NXPH2: variants seen among roughly 807,000 people sequenced by gnomAD.
The protein encoded by NXPH2 is neurexophilin-2.
A neutral mutation model predicts 19.8 loss-of-function variants in NXPH2; 5 were observed. The observed-to-expected ratio is 0.25, with a 90% CI of 0.13 to 0.53. NXPH2 has a LOEUF of 0.53. Ranked by LOEUF, NXPH2 falls within the 20% of genes least tolerant of loss-of-function variation. The probability of loss-of-function intolerance (pLI) is 0.96; values close to 1 mark genes in which losing one functional copy is unlikely to be tolerated. For synonymous variants in NXPH2, 154 were observed against 127.4 expected, an observed-to-expected ratio of 1.21 and a Z score of -1.41; for missense variants, 289 against 322.8, an observed-to-expected ratio of 0.90 and a Z score of 0.80.
intron 1 of NXPH2, among the ~76,000 whole-genome samples, chr2:138,720,885 C>G (rs1227483113): frequency 6.6e-6 from 1 of 152,072 alleles, no homozygotes; most frequent in Non-Finnish European, 1.5e-5. Context: ...TGGAGTCTCT[C>G]AAGAGATGCT....
In NXPH2 at chr2:138,671,428, T is replaced by C. The variant is rs1680412007; in HGVS notation, c.289A>G (p.Thr97Ala). The C allele has an allele frequency of 2.5e-6, 4 of 1,613,928 alleles. No individual in the cohort carries two copies. Among genetic ancestry groups the C allele is most frequent in the Admixed American group, 1.7e-5 (1 of 60,016 alleles). ...GTTTTTACTATTGGCCTCCGTTTAG[T>C]TCTTGCCAATGGCTCCTGAATCTCC... ...ITEIQEPLAR[T>A]KRRPIVKTGK... is the part of the protein sequence containing the mutation. Residue 97 changes from threonine (T) to alanine (A), a missense_variant, in exon 2 of 2, where the codon ACT becomes GCT. Thr to Ala is a moderately conservative substitution (Grantham distance 58). Coordinates refer to ENST00000272641, the MANE Select transcript of NXPH2 (RefSeq NM_007226.3).
At chr2:138,762,189 T>C (rs1182061687) in intron 1 of NXPH2, among the ~76,000 whole-genome samples, 1 of 152,178 alleles carries the variant, frequency 6.6e-6, no homozygotes, top group Non-Finnish European at 1.5e-5. Context: ...AAATACACTT[T>C]ATTACATTAT....
At chr2:138,720,281 T>C (rs1343918334) in intron 1 of NXPH2, among the ~76,000 whole-genome samples, 1 of 152,228 alleles carries the variant, frequency 6.6e-6, no homozygotes, top group Non-Finnish European at 1.5e-5. Flanking sequence ...TCTTCTTACA[T>C]ACAATCCTCA....
At chr2:138,684,059 T>C (rs1680613794) in intron 1 of NXPH2, among the ~76,000 whole-genome samples, 1 of 152,226 alleles carries the variant, frequency 6.6e-6, no homozygotes, top group Non-Finnish European at 1.5e-5. Context: ...GTGTTAAAAG[T>C]ATTTTTGCAA....
At chr2:138,755,194 A>G (rs1031611277) in intron 1 of NXPH2, among the ~76,000 whole-genome samples, 14 of 152,032 alleles carry the variant, frequency 9.2e-5, no homozygotes, top group African/African-American at 3.4e-4. Flanking sequence ...GTTTTTAATT[A>G]CAATAAGGTT....
chr2:138,743,548 G>T lies in NXPH2; in HGVS notation c.51+36643C>A, dbSNP rs781508368. Among the ~76,000 whole-genome samples the T allele has an allele frequency of 7.2e-5, 11 of 152,184 alleles. No individual in the cohort carries two copies. In the South Asian group the frequency reaches 1.5e-3, roughly 20 times the overall value. ...AGCAGGGAGGAGATGAAGAGTGACTGCTAATGGGTATGGGGTTTCTTTTTG... is the reference window on the plus strand; with the variant it reads ...AGCAGGGAGGAGATGAAGAGTGACTTCTAATGGGTATGGGGTTTCTTTTTG... On this transcript the variant is annotated intron_variant, in intron 1 of 1. Transcript: ENST00000272641.
rs117568953 is a variant in NXPH2, at chr2:138,674,610, G to T, written c.52-2945C>A. ...CCTTGAATACTCTTACTCATGATGT[G>T]TGCAAACTTCATTCCAATCATTTGG... On this transcript the variant is annotated intron_variant, in intron 1 of 1. Transcript: ENST00000272641. Among the ~76,000 whole-genome samples the T allele has an allele frequency of 4.7e-3, 711 of 152,264 alleles. 21 individuals are homozygous for T. The East Asian group carries it at 0.056, about 12-fold the overall frequency.
At chr2:138,700,151 TAAGCAGAACCCA>T (rs1171726261) in intron 1 of NXPH2, among the ~76,000 whole-genome samples, 1 of 152,086 alleles carries the variant, frequency 6.6e-6, no homozygotes, top group Non-Finnish European at 1.5e-5. Flanking sequence ...CCCTGGAAAA[TAAGCAGAACCCA>T]AGTCCCCAAA....
chr2:138,736,405 G>C (rs545173632), intron 1 of NXPH2, among the ~76,000 whole-genome samples: 1 of 152,202 alleles, frequency 6.6e-6, no homozygotes, highest in South Asian at 2.1e-4. Flanking sequence ...CAGTCTTGGG[G>C]CTTGCAACCT....
chr2:138,714,693 A>G (rs1482348546), intron 1 of NXPH2, among the ~76,000 whole-genome samples: 1 of 152,208 alleles, frequency 6.6e-6, no homozygotes, highest in Non-Finnish European at 1.5e-5. Context: ...AATGGTGTTA[A>G]TTTCATTGAA....
At chr2:138,688,883 G>T (rs17656933) in intron 1 of NXPH2, among the ~76,000 whole-genome samples, 3,179 of 152,276 alleles carry the variant, frequency 0.021, 50 homozygotes, top group Non-Finnish European at 0.033. Flanking sequence ...ACCTGAACTG[G>T]TTTGTGTCCT....
Position 138,669,446 on chromosome 2 carries a change from A to G in NXPH2, c.*1476T>C, listed in dbSNP as rs1345134272. On this transcript the variant is annotated 3_prime_UTR_variant, in exon 2 of 2. Coordinates refer to ENST00000272641, the MANE Select transcript of NXPH2 (RefSeq NM_007226.3). The stretch of plus-strand genomic sequence containing the variant: ...TTTTTACAAAAGACAAAAATTGAAC[A>G]CTGCAGATATTACCGGTAAAAGGAA... Among the ~76,000 whole-genome samples the G allele has an allele frequency of 6.6e-6, 1 of 152,194 alleles. No individual in the cohort carries two copies. Among genetic ancestry groups the G allele is most frequent in the Non-Finnish European group, 1.5e-5 (1 of 68,030 alleles).
intron 1 of NXPH2, among the ~76,000 whole-genome samples, chr2:138,672,207 A>G (rs886199604): frequency 2.0e-5 from 3 of 152,208 alleles, no homozygotes; most frequent in Admixed American, 6.5e-5. Flanking sequence ...ACAAAAAAGC[A>G]TGTGATGAGG....
intron 1 of NXPH2, among the ~76,000 whole-genome samples, chr2:138,732,763 C>T (rs189572835): frequency 4.5e-4 from 68 of 152,194 alleles, no homozygotes; most frequent in African/African-American, 1.6e-3. Context: ...AACTGGCTCT[C>T]GGTAATTCTT....
At chr2:138,734,266 C>T (rs951345770) in intron 1 of NXPH2, among the ~76,000 whole-genome samples, 3 of 152,044 alleles carry the variant, frequency 2.0e-5, no homozygotes, top group African/African-American at 7.2e-5. Flanking sequence ...ATGAGATATT[C>T]GAGGTGGCTG....
intron 1 of NXPH2, among the ~76,000 whole-genome samples, chr2:138,682,887 C>A (rs1039073841): frequency 2.6e-5 from 4 of 152,140 alleles, no homozygotes; most frequent in African/African-American, 9.7e-5. Flanking sequence ...GCACGCATGC[C>A]TACACACTCT....
rs568539689 is a variant in NXPH2 at position 138,679,726 on chromosome 2, C to T, written c.52-8061G>A. On this transcript the variant is annotated intron_variant, in intron 1 of 1. Coordinates refer to ENST00000272641, the MANE Select transcript of NXPH2 (RefSeq NM_007226.3). ...AGGCCTGAATATATGCCCTTTCTGA[C>T]TCAGCAAGAAGAGACTAGGTGACAT... is the stretch of plus-strand genomic sequence containing the variant. Among the ~76,000 whole-genome samples, 10 of 152,198 alleles carry T rather than the reference C, an allele frequency of 6.6e-5. No individual in the cohort carries two copies. The East Asian group carries it at 1.9e-3, about 29-fold the overall frequency.
intron 1 of NXPH2, among the ~76,000 whole-genome samples, chr2:138,754,592 A>G (rs145962067): frequency 5.9e-5 from 9 of 152,284 alleles, no homozygotes; most frequent in Non-Finnish European, 1.2e-4. Context: ...TTAACTATAG[A>G]AGCACAGCTT....
In NXPH2 at chr2:138,671,800, C is replaced by T. The variant is rs1295154759; in HGVS notation, c.52-135G>A. 6 of 868,628 alleles carry T rather than the reference C, an allele frequency of 6.9e-6. No homozygotes were observed. In the East Asian group the frequency reaches 1.7e-4, roughly 24 times the overall value. 53.8% of individuals were successfully genotyped at this position (868,628 alleles called of 1,614,324 possible). A position where few individuals can be genotyped will look rare whatever the true frequency, so the allele number is the denominator to read the frequency against. On this transcript the variant is annotated intron_variant, in intron 1 of 1. Transcript: ENST00000272641. ...TTCGACAGCATTTCACACACACAGC[C>T]GGGCTCAACAGTGTAACAAGATAAG...
Sources: allele counts gnomAD v4.1 joint callset (sites outside exome capture counted in the v4.1 genomes callset), GRCh38; gene constraint gnomAD v4.1.1; transcripts MANE v1.5; gene names NCBI Gene and HGNC (gene_info 2026-07-23, HGNC 2026-07-21).